ABCC2: variants seen among roughly 807,000 people sequenced by gnomAD.
The protein encoded by ABCC2 is ATP binding cassette subfamily C member 2, also known as ATP-binding cassette sub-family C member 2.
ABCC2 carries 157 observed loss-of-function variants against 173.4 expected under a neutral mutation model. The observed-to-expected ratio is 0.91, with a 90% confidence interval of 0.80 to 1.03. The LOEUF (loss-of-function observed/expected upper bound fraction) is 1.03, where lower values mean the gene tolerates loss of function less well. Ranked by LOEUF, ABCC2 falls within the 50% of genes least tolerant of loss-of-function variation. The probability of loss-of-function intolerance (pLI) is 0.00; values close to 1 mark genes in which losing one functional copy is unlikely to be tolerated. For synonymous variants in ABCC2, 657 were observed against 693.5 expected, an observed-to-expected ratio of 0.95 and a Z score of 0.83; for missense variants, 1,822 against 1,852.3, an observed-to-expected ratio of 0.98 and a Z score of 0.30.
At chr10:99,805,304 A>G in intron 10 of ABCC2, 78 bp from the exon 11 acceptor site, 1 of 1,295,192 alleles carries the variant, frequency 7.7e-7, no homozygotes, top group South Asian at 1.2e-5. Context: ...AGTAGCAGTG[A>G]GGCCTGATGT....
Position 99,830,390 on chromosome 10 carries a change from A to C in ABCC2, c.2704A>C (p.Thr902Pro). Residue 902 changes from threonine to proline, a missense_variant, in exon 20 of 32, where the codon ACC becomes CCC. Transcript: ENST00000647814. The part of the protein sequence containing the change: ...EEIPEDAASI[T>P]MRRENSFRRT... The stretch of plus-strand genomic sequence containing the variant: ...GATCCCCGAAGATGCAGCCTCCATA[A>C]CCATGAGAAGAGAGAACAGCTTTCG... The C allele has an allele frequency of 6.2e-7, 1 of 1,614,210 alleles. No individual in the cohort carries two copies. Among genetic ancestry groups the C allele is most frequent in the Non-Finnish European group, 8.5e-7 (1 of 1,180,026 alleles).
At chr10:99,850,230 A>C (rs1430418206) in intron 30 of ABCC2, among the ~76,000 whole-genome samples, 2 of 152,196 alleles carry the variant, frequency 1.3e-5, no homozygotes, top group Non-Finnish European at 2.9e-5. Context: ...GGAAATGTTG[A>C]TGTCACGGCA....
At chr10:99,814,107 A>G (rs1357237740) in intron 16 of ABCC2, among the ~76,000 whole-genome samples, 2 of 140,278 alleles carry the variant, frequency 1.4e-5, no homozygotes, top group African/African-American at 5.9e-5. Context: ...ATATACACAC[A>G]TATGTGTATA....
At chr10:99,845,870 A>C in intron 29 of ABCC2, 88 bp downstream of exon 29, 1 of 1,398,012 alleles carries the variant, frequency 7.2e-7, no homozygotes, top group South Asian at 1.2e-5. Flanking sequence ...ATGTCTGTTC[A>C]GTCAGCACTG....
chr10:99,836,181 G>A lies in ABCC2; in HGVS notation c.3505G>A (p.Gly1169Ser), dbSNP rs1054339070. Residue 1169 changes from glycine (G) to serine (S), a missense_variant, in exon 25 of 32, where the codon GGT (glycine) becomes AGT (serine). Gly to Ser is a moderately conservative substitution (Grantham distance 56). Transcript: ENST00000647814. Reference protein sequence around the residue: ...IYSHFSETVSGLPVIRAFEHQ... With the variant: ...IYSHFSETVSSLPVIRAFEHQ... ...CTCTCACTTCAGCGAGACCGTATCA[G>A]GTTTGCCAGTTATCCGTGCCTTTGA... The A allele has an allele frequency of 7.4e-6, 12 of 1,614,084 alleles. No individual in the cohort carries two copies. Among genetic ancestry groups the A allele is most frequent in the African/African-American group, 2.7e-5 (2 of 74,920 alleles).
intron 2 of ABCC2, 40 bp downstream of exon 2, chr10:99,784,821 G>A (rs1264326845): frequency 1.9e-6 from 3 of 1,604,792 alleles, no homozygotes; most frequent in South Asian, 1.1e-5. Flanking sequence ...TAATTCCTTG[G>A]TGCACAGTAG....
At chr10:99,785,685 A>AT (rs1206944092) in intron 2 of ABCC2, among the ~76,000 whole-genome samples, 1 of 151,874 alleles carries the variant, frequency 6.6e-6, no homozygotes, top group African/African-American at 2.4e-5. Flanking sequence ...TGTCCAGCTA[A>AT]TTTTTGTATT....
chr10:99,846,054 G>T (rs1180641421), intron 29 of ABCC2, among the ~76,000 whole-genome samples: 1 of 152,204 alleles, frequency 6.6e-6, no homozygotes, highest in Non-Finnish European at 1.5e-5. Flanking sequence ...CGTTGCTATA[G>T]CCCATCACGG....
intron 6 of ABCC2, among the ~76,000 whole-genome samples, chr10:99,795,799 GAA>G (rs57734983): frequency 0.28 from 31,232 of 113,166 alleles, 4,543 homozygotes; most frequent in Non-Finnish European, 0.3. Context: ...AAGAAAGAAA[GAA>G]AGATTTCTAA....
intron 9 of ABCC2, among the ~76,000 whole-genome samples, chr10:99,803,742 C>T (rs1265629319): frequency 6.6e-6 from 1 of 152,094 alleles, no homozygotes; most frequent in Non-Finnish European, 1.5e-5. Context: ...TAAGAAGTTA[C>T]ATCTCAGCTG....
intron 26 of ABCC2, 61 bp downstream of exon 26, chr10:99,842,154 T>G (rs1490445432): frequency 6.2e-7 from 1 of 1,609,040 alleles, no homozygotes; most frequent in Non-Finnish European, 8.5e-7. Context: ...TTAAGCCTGA[T>G]GTATACTGTG....
At chr10:99,829,918 G>A (rs530091972) in intron 19 of ABCC2, among the ~76,000 whole-genome samples, 7 of 152,176 alleles carry the variant, frequency 4.6e-5, no homozygotes, top group South Asian at 4.1e-4. Context: ...GAGCCACCAC[G>A]CCTGGCCAAG....
intron 16 of ABCC2, among the ~76,000 whole-genome samples, chr10:99,813,595 A>G (rs759814870): frequency 6.6e-6 from 1 of 152,110 alleles, no homozygotes; most frequent in Middle Eastern, 3.2e-3. Context: ...TGTGCCTGTT[A>G]TCCCAGCTAC....
chr10:99,794,437 C>T lies in ABCC2; in HGVS notation c.601C>T (p.Leu201=), dbSNP rs749655460. The stretch of plus-strand genomic sequence containing the variant: ...GAATCCATCATCCATAGCTTCATTC[C>T]TGAGTAGCATTACCTACAGCTGGTA... ...SNNPSSIASF[L]SSITYSWYDS... Residue 201 remains leucine (L), a synonymous_variant, in exon 6 of 32, where the codon CTG becomes TTG. Coordinates refer to ENST00000647814, the MANE Select transcript of ABCC2 (RefSeq NM_000392.5). The T allele has an allele frequency of 1.3e-5, 21 of 1,613,878 alleles. 1 individual carries two copies. Among genetic ancestry groups the T allele is most frequent in the Non-Finnish European group, 1.7e-5 (20 of 1,179,930 alleles).
At chr10:99,835,738 T>C (rs1226208928) in intron 24 of ABCC2, among the ~76,000 whole-genome samples, 1 of 152,154 alleles carries the variant, frequency 6.6e-6, no homozygotes, top group African/African-American at 2.4e-5. Context: ...TTGGGGACCT[T>C]TTCTCTAATG....
rs775410341 is a variant in ABCC2 at position 99,810,200 on chromosome 10, C to T, written c.1882C>T (p.Arg628Ter). The change falls in exon 14 of 32, where the codon CGA becomes TGA. Residue 628 changes from arginine to a stop codon, truncating the protein, a stop_gained. Transcript: ENST00000647814. LOFTEE classifies it high-confidence loss of function. ...GGDDLDTSAI[R>*]HDCNFDKAMQ... ...GGATGACTTGGACACATCTGCCATT[C>T]GACATGACTGCAATTTTGGTAAATA... 3.7e-6 allele frequency: 6 copies of T among 1,613,358 alleles called. No homozygotes were observed. Among genetic ancestry groups the T allele is most frequent in the South Asian group, 1.1e-5 (1 of 91,052 alleles).
rs893831397 is a variant in ABCC2, at chr10:99,783,636, G to A, written c.33+759G>A. On this transcript the variant is annotated intron_variant, in intron 1 of 31. Coordinates refer to ENST00000647814, the MANE Select transcript of ABCC2 (RefSeq NM_000392.5). ...AATAAATGTAGTTTAAGTATCTTAA[G>A]TGATTCTTCTGAATTCTAACATTTG... is the stretch of plus-strand genomic sequence containing the variant. 1.6e-4 allele frequency among the ~76,000 whole-genome samples: 24 copies of A among 152,276 alleles called. No homozygotes were observed. In the East Asian group the frequency reaches 4.4e-3, roughly 28 times the overall value.
intron 27 of ABCC2, 60 bp from the exon 28 acceptor site, chr10:99,844,262 G>A: frequency 6.2e-7 from 1 of 1,603,476 alleles, no homozygotes; most frequent in South Asian, 1.1e-5. Flanking sequence ...AGTCCTGGGT[G>A]GACTGTTCGG....
At position 99,836,130 on chromosome 10, in the gene ABCC2, G is replaced by A. The variant is rs1349447092; in HGVS notation, c.3454G>A (p.Asp1152Asn). Reference sequence around the variant, plus strand: ...TACCTCCCGCCAGCTGAGGCGTCTGGACTCTGTCACCAGGTCCCCAATCTA... The same window carrying A: ...TACCTCCCGCCAGCTGAGGCGTCTGAACTCTGTCACCAGGTCCCCAATCTA... ...VSTSRQLRRLDSVTRSPIYSH... is the reference protein window; with the variant it reads ...VSTSRQLRRLNSVTRSPIYSH... Residue 1152 changes from aspartate (D) to asparagine (N), a missense_variant, in exon 25 of 32, where the codon GAC (aspartate) becomes AAC (asparagine). Transcript: ENST00000647814. 6.2e-7 allele frequency: 1 copy of A among 1,614,108 alleles called. No homozygotes were observed. The highest frequency in any genetic ancestry group is 1.7e-5 in the Admixed American group (1 of 60,020).
Sources: gnomAD v4.1 joint callset for allele counts (sites outside exome capture counted in the v4.1 genomes callset) on GRCh38, gnomAD v4.1.1 for gene constraint, MANE v1.5 for transcripts, NCBI Gene and HGNC (gene_info 2026-07-23, HGNC 2026-07-21) for gene names.